TSGA10: variants seen among roughly 807,000 people sequenced by gnomAD.
TSGA10 encodes testis-specific gene 10 protein.
In TSGA10, 43 loss-of-function variants were observed where a neutral mutation model predicts 96.6. The observed-to-expected ratio is 0.44, with a 90% CI of 0.35 to 0.57. The LOEUF (loss-of-function observed/expected upper bound fraction) is 0.57. Ranked by LOEUF, TSGA10 falls within the 20% of genes least tolerant of loss-of-function variation. The probability of loss-of-function intolerance (pLI) is 0.01; values close to 1 mark genes in which losing one functional copy is unlikely to be tolerated. For missense variants in TSGA10, 703 were observed against 834.4 expected, an observed-to-expected ratio of 0.84 and a Z score of 1.94; for synonymous variants, 229 against 269.9, an observed-to-expected ratio of 0.85 and a Z score of 1.48.
intron 20 of TSGA10, among the ~76,000 whole-genome samples, chr2:99,008,099 C>T (rs1163100857): frequency 6.6e-6 from 1 of 152,006 alleles, no homozygotes; most frequent in Non-Finnish European, 1.5e-5. Context: ...TAAAAATATA[C>T]AAGTACTAAA....
chr2:99,022,884 T>C (rs1269091834), intron 17 of TSGA10, among the ~76,000 whole-genome samples: 1 of 152,216 alleles, frequency 6.6e-6, no homozygotes, highest in East Asian at 1.9e-4. Flanking sequence ...TCCTAGTGGT[T>C]GTGAAATAGT....
intron 10 of TSGA10, among the ~76,000 whole-genome samples, chr2:99,093,699 G>C (rs1271630046): frequency 6.6e-6 from 1 of 151,674 alleles, no homozygotes; most frequent in Non-Finnish European, 1.5e-5. Context: ...TAACCAAGGA[G>C]GTGAAAGATC....
At chr2:99,007,647 C>G (rs952794655) in intron 20 of TSGA10, among the ~76,000 whole-genome samples, 1 of 152,136 alleles carries the variant, frequency 6.6e-6, no homozygotes, top group African/African-American at 2.4e-5. Context: ...TTAAAACATA[C>G]TAATAATAGG....
intron 20 of TSGA10, among the ~76,000 whole-genome samples, chr2:99,011,690 G>A (rs1042400580): frequency 1.3e-5 from 2 of 152,276 alleles, no homozygotes; most frequent in Non-Finnish European, 1.5e-5. Flanking sequence ...GCAAGTGTGT[G>A]TGTGTCTGTG....
chr2:99,044,899 T>C (rs1329850246), intron 16 of TSGA10, among the ~76,000 whole-genome samples: 1 of 152,090 alleles, frequency 6.6e-6, no homozygotes, highest in African/African-American at 2.4e-5. Flanking sequence ...CACAACTACA[T>C]GGAAACTGAA....
intron 12 of TSGA10, among the ~76,000 whole-genome samples, chr2:99,074,073 C>T (rs546288512): frequency 2.7e-4 from 32 of 120,264 alleles, no homozygotes; most frequent in African/African-American, 9.3e-4. Context: ...AGTGCGAGGG[C>T]GCGATCTCGG....
At chr2:99,042,865 G>A (rs577743150) in intron 16 of TSGA10, among the ~76,000 whole-genome samples, 9 of 151,864 alleles carry the variant, frequency 5.9e-5, no homozygotes, top group South Asian at 2.1e-4. Context: ...CATCATGCCC[G>A]GCTAATTTTT....
At chr2:99,116,609 A>C (rs1299971682) in intron 4 of TSGA10, among the ~76,000 whole-genome samples, 2 of 152,140 alleles carry the variant, frequency 1.3e-5, no homozygotes, top group African/African-American at 4.8e-5. Flanking sequence ...GTATTAAAAG[A>C]AAACTTTAGA....
intron 12 of TSGA10, among the ~76,000 whole-genome samples, chr2:99,075,590 T>C (rs2086613062): frequency 6.6e-6 from 1 of 152,184 alleles, no homozygotes; most frequent in African/African-American, 2.4e-5. Flanking sequence ...TAGCCTTTGT[T>C]AGTTCAGCTC....
At position 99,037,805 on chromosome 2, in the gene TSGA10, G is replaced by A. The variant is rs762447484; in HGVS notation, c.1405-2366C>T. Among the ~76,000 whole-genome samples, 34 of 152,026 alleles carry A rather than the reference G, an allele frequency of 2.2e-4. 1 individual carries two copies. The highest frequency in any genetic ancestry group is 4.6e-4 in the Admixed American group (7 of 15,244). Reference sequence around the variant, plus strand: ...GCAGAGGTTGCAGTGAGCTGGGATCGCGCCATTGCACTGCCCCTGGTCAAC... The same window carrying A: ...GCAGAGGTTGCAGTGAGCTGGGATCACGCCATTGCACTGCCCCTGGTCAAC... On this transcript the variant is annotated intron_variant, in intron 16 of 20. Transcript: ENST00000393483.
intron 5 of TSGA10, 30 bp from the exon 6 acceptor site, chr2:99,109,542 A>C: frequency 6.8e-7 from 1 of 1,477,942 alleles, no homozygotes; most frequent in Non-Finnish European, 9.0e-7. Flanking sequence ...GTGCTTTTTC[A>C]GTATCTAAAA....
intron 16 of TSGA10, among the ~76,000 whole-genome samples, chr2:99,062,557 A>G (rs962030294): frequency 6.6e-6 from 1 of 152,108 alleles, no homozygotes; most frequent in Non-Finnish European, 1.5e-5. Context: ...GCAATATAGT[A>G]AGACTCCATT....
intron 20 of TSGA10, among the ~76,000 whole-genome samples, chr2:99,004,618 A>T (rs2078292867): frequency 6.6e-6 from 1 of 152,180 alleles, no homozygotes; most frequent in African/African-American, 2.4e-5. Flanking sequence ...TGAATAGACC[A>T]ATAACAGGCT....
Position 99,082,584 on chromosome 2 carries a change from G to A in TSGA10, c.612-1187C>T, listed in dbSNP as rs536045584. On this transcript the variant is annotated intron_variant, in intron 10 of 20. Transcript: ENST00000393483. ...AGCATCAAAATAAAATTTGGTTCCC[G>A]ATTGGTCATATAATCAGGAACCCCT... Among the ~76,000 whole-genome samples, 15 of 151,990 alleles carry A rather than the reference G, an allele frequency of 9.9e-5. No individual in the cohort carries two copies. The South Asian group carries it at 2.3e-3, about 23-fold the overall frequency.
At chr2:99,100,631 T>C (rs1259945178) in intron 10 of TSGA10, among the ~76,000 whole-genome samples, 2 of 151,494 alleles carry the variant, frequency 1.3e-5, no homozygotes, top group Non-Finnish European at 2.9e-5. Flanking sequence ...CCATCCTGGC[T>C]AACATGGTGA....
chr2:99,044,881 C>G (rs1377082994), intron 16 of TSGA10, among the ~76,000 whole-genome samples: 2 of 152,186 alleles, frequency 1.3e-5, no homozygotes, highest in East Asian at 3.8e-4. Flanking sequence ...GAAATCCACT[C>G]AAAACCGCAC....
At chr2:99,137,088 TC>T (rs1243450201) in intron 1 of TSGA10, among the ~76,000 whole-genome samples, 2 of 142,846 alleles carry the variant, frequency 1.4e-5, no homozygotes, top group African/African-American at 5.2e-5. Flanking sequence ...AACCTCCACC[TC>T]CCAGGTTCAA....
intron 17 of TSGA10, among the ~76,000 whole-genome samples, chr2:99,029,095 T>G (rs894054950): frequency 6.6e-6 from 1 of 152,148 alleles, no homozygotes; most frequent in Non-Finnish European, 1.5e-5. Context: ...ATGTCTATAG[T>G]GGGAGAAAGT....
Position 99,060,518 on chromosome 2 carries a change from C to T in TSGA10, c.1404+4421G>A, listed in dbSNP as rs1003613050. ...CAATATTGTTAAAATCTCAACTCTT[C>T]CCATACTGAACTGTATATTCAAAAT... On this transcript the variant is annotated intron_variant, in intron 16 of 20. Transcript: ENST00000393483. Among the ~76,000 whole-genome samples the T allele has an allele frequency of 9.9e-5, 15 of 152,120 alleles. No individual in the cohort carries two copies. In the South Asian group the frequency reaches 2.9e-3, roughly 29 times the overall value.
Sources: gnomAD v4.1 joint callset for allele counts (sites outside exome capture counted in the v4.1 genomes callset) on GRCh38, gnomAD v4.1.1 for gene constraint, MANE v1.5 for transcripts, NCBI Gene and HGNC (gene_info 2026-07-23, HGNC 2026-07-21) for gene names.